The following CAST variants were observed in gnomAD, a reference collection of about 807,000 sequenced individuals.
CAST encodes the protein MIR583 host.
CAST carries 76 observed loss-of-function variants against 119.6 expected under a neutral mutation model. That is an observed-to-expected ratio of 0.64 (90% CI 0.53 to 0.77). The LOEUF (loss-of-function observed/expected upper bound fraction) is 0.77, where lower values mean the gene tolerates loss of function less well. Among genes scored for constraint, CAST ranks in the 30% least tolerant of loss-of-function variants. The pLI, the probability that CAST is intolerant of heterozygous loss-of-function variation, is 0.00. For missense variants in CAST, 953 were observed against 946.5 expected (o/e 1.01, Z -0.09); for synonymous variants, 319 against 331.6 (o/e 0.96, Z 0.41).
chr5:96,704,219 A>C (rs1276528910), intron 3 of CAST, among the ~76,000 whole-genome samples: 1 of 152,242 alleles, frequency 6.6e-6, no homozygotes, highest in Admixed American at 6.5e-5. Flanking sequence ...CAGCACATTC[A>C]AGTATAAATA....
chr5:96,597,457 A>G (rs919284008), intron 1 of CAST, among the ~76,000 whole-genome samples: 29 of 152,366 alleles, frequency 1.9e-4, no homozygotes, highest in African/African-American at 6.0e-4. Flanking sequence ...CAGGCAGGAC[A>G]AGAAGGCTAC....
At chr5:96,092,991 T>C in the CAST span, among the ~76,000 whole-genome samples, 1 of 152,210 alleles carries the variant, frequency 6.6e-6, no homozygotes, top group Non-Finnish European at 1.5e-5. Context: ...CCTTTTCTCC[T>C]ACAGTCAAGA....
At chr5:96,636,242 C>A (rs948430636) in intron 1 of CAST, among the ~76,000 whole-genome samples, 1 of 152,182 alleles carries the variant, frequency 6.6e-6, no homozygotes, top group Admixed American at 6.5e-5. Flanking sequence ...CCTGTTTCCT[C>A]ATCTGATAAT....
At chr5:96,470,303 T>C in the CAST span, among the ~76,000 whole-genome samples, 3 of 151,868 alleles carry the variant, frequency 2.0e-5, no homozygotes, top group Non-Finnish European at 4.4e-5. Context: ...TATATAAAGG[T>C]TAGTCATTAC....
chr5:96,579,770 TACA>T (rs1264717342), intron 1 of CAST, among the ~76,000 whole-genome samples: 1 of 152,230 alleles, frequency 6.6e-6, no homozygotes, highest in East Asian at 1.9e-4. Context: ...GAAACAAATT[TACA>T]ACATCTTGTC....
chr5:96,575,966 A>G (rs950204949), intron 1 of CAST, among the ~76,000 whole-genome samples: 1 of 152,142 alleles, frequency 6.6e-6, no homozygotes, highest in African/African-American at 2.4e-5. Flanking sequence ...ATATGACCAT[A>G]TAATTTTTCT....
intron 1 of CAST, among the ~76,000 whole-genome samples, chr5:96,622,201 C>G (rs908850800): frequency 6.6e-6 from 1 of 151,956 alleles, no homozygotes; most frequent in Admixed American, 6.6e-5. Context: ...ATCTCCTGAC[C>G]TCATGATCCA....
the CAST span, among the ~76,000 whole-genome samples, chr5:96,197,028 T>C: frequency 2.0e-5 from 3 of 152,190 alleles, no homozygotes; most frequent in Admixed American, 6.5e-5. Context: ...CTATGACTCT[T>C]ACAAAATGAT....
chr5:96,277,639 G>A, the CAST span, among the ~76,000 whole-genome samples: 1 of 152,054 alleles, frequency 6.6e-6, no homozygotes, highest in Non-Finnish European at 1.5e-5. Flanking sequence ...GAATCCAGAA[G>A]TAAAATTCTA....
chr5:96,579,018 G>A (rs1746724756), intron 1 of CAST, among the ~76,000 whole-genome samples: 2 of 152,118 alleles, frequency 1.3e-5, no homozygotes, highest in Admixed American at 1.3e-4. Context: ...AAGTGGAAGG[G>A]GTTTCCCTAG....
chr5:96,308,034 T>C, the CAST span, among the ~76,000 whole-genome samples: 6 of 152,282 alleles, frequency 3.9e-5, no homozygotes, highest in South Asian at 6.2e-4. Context: ...CTGGATAATA[T>C]CCTGCAGAGT....
At chr5:96,518,635 A>G in the CAST span, among the ~76,000 whole-genome samples, 3 of 152,212 alleles carry the variant, frequency 2.0e-5, no homozygotes, top group South Asian at 4.1e-4. Context: ...ATTCCTGGTG[A>G]CCGTAGCAGG....
At chr5:96,256,270 G>A in the CAST span, among the ~76,000 whole-genome samples, 4 of 147,610 alleles carry the variant, frequency 2.7e-5, no homozygotes, top group Non-Finnish European at 6.0e-5. Context: ...TATGTAATAT[G>A]TAATATATAC....
the CAST span, among the ~76,000 whole-genome samples, chr5:96,061,841 T>G: frequency 6.6e-6 from 1 of 152,052 alleles, no homozygotes; most frequent in Non-Finnish European, 1.5e-5. Context: ...GTGAAGATAT[T>G]TGTATTACAT....
At chr5:96,157,209 G>A in the CAST span, among the ~76,000 whole-genome samples, 6 of 152,180 alleles carry the variant, frequency 3.9e-5, no homozygotes, top group South Asian at 2.1e-4. Flanking sequence ...AGAAAGCCTC[G>A]GAGTTTTGTC....
chr5:96,039,590 T>C, the CAST span, among the ~76,000 whole-genome samples: 29 of 152,320 alleles, frequency 1.9e-4, no homozygotes, highest in South Asian at 4.1e-4. Flanking sequence ...TTTTTGCATA[T>C]GGCTAGCCAG....
chr5:96,723,104 G>A (rs113416664), intron 4 of CAST, among the ~76,000 whole-genome samples: 1 of 151,830 alleles, frequency 6.6e-6, no homozygotes, highest in Admixed American at 6.6e-5. Flanking sequence ...CACCATGCCC[G>A]GCTAATTGTT....
chr5:96,107,128 A>T, the CAST span, among the ~76,000 whole-genome samples: 5 of 150,802 alleles, frequency 3.3e-5, no homozygotes, highest in Non-Finnish European at 5.9e-5. Context: ...TCTGCACGTG[A>T]GATGGGTTTC....
chr5:96,672,275 G>A (rs1750169714), intron 1 of CAST, among the ~76,000 whole-genome samples: 1 of 152,124 alleles, frequency 6.6e-6, no homozygotes, highest in Admixed American at 6.5e-5. Context: ...ATGCCTGTGT[G>A]TGTGTATGCA....
Sources: allele counts gnomAD v4.1 joint callset (sites outside exome capture counted in the v4.1 genomes callset), GRCh38; gene constraint gnomAD v4.1.1; transcripts MANE v1.5; gene names NCBI Gene and HGNC (gene_info 2026-07-23, HGNC 2026-07-21).